FSTL4: variants seen among roughly 807,000 people sequenced by gnomAD.
FSTL4 encodes follistatin like 4.
In FSTL4, 28 loss-of-function variants were observed where a neutral mutation model predicts 78.2. The observed-to-expected ratio is 0.36, with a 90% CI of 0.27 to 0.49. The LOEUF (loss-of-function observed/expected upper bound fraction) is 0.49. Ranked by LOEUF, FSTL4 falls within the 20% of genes least tolerant of loss-of-function variation. FSTL4 has a pLI of 0.98. For synonymous variants in FSTL4, 422 were observed against 440.5 expected (o/e 0.96, Z 0.53); for missense variants, 922 against 1,084.9 (o/e 0.85, Z 2.11).
intron 14 of FSTL4, among the ~76,000 whole-genome samples, chr5:133,207,082 G>GTGA (rs1190316551): frequency 2.0e-5 from 3 of 152,078 alleles, no homozygotes; most frequent in African/African-American, 7.2e-5. Context: ...AGTTTCTTTA[G>GTGA]TGATATACTT....
intron 5 of FSTL4, among the ~76,000 whole-genome samples, chr5:133,314,950 G>A (rs1016828482): frequency 5.3e-5 from 8 of 152,136 alleles, no homozygotes; most frequent in African/African-American, 1.9e-4. Context: ...ATCACCTGAG[G>A]TCAGGAGTTT....
At chr5:133,222,968 C>T (rs1031072280) in intron 11 of FSTL4, among the ~76,000 whole-genome samples, 1 of 152,188 alleles carries the variant, frequency 6.6e-6, no homozygotes, top group African/African-American at 2.4e-5. Context: ...GTTCAATATA[C>T]CTACCAACCC....
At chr5:133,573,197 T>C (rs1760199106) in intron 2 of FSTL4, among the ~76,000 whole-genome samples, 1 of 151,732 alleles carries the variant, frequency 6.6e-6, no homozygotes. Context: ...TAAGCCCAGA[T>C]TGCGCCACTG....
chr5:133,743,398 C>A, the FSTL4 span, among the ~76,000 whole-genome samples: 1 of 152,162 alleles, frequency 6.6e-6, no homozygotes, highest in Admixed American at 6.5e-5. Context: ...GGTACGGTAC[C>A]TTTAAATGCA....
intron 3 of FSTL4, among the ~76,000 whole-genome samples, chr5:133,561,005 C>A (rs990198699): frequency 6.6e-6 from 1 of 151,224 alleles, no homozygotes; most frequent in East Asian, 2.0e-4. Flanking sequence ...AGGAGAATGG[C>A]GTGAACCCGT....
chr5:133,213,129 A>G (rs1427429027), intron 13 of FSTL4, among the ~76,000 whole-genome samples: 1 of 151,614 alleles, frequency 6.6e-6, no homozygotes, highest in Non-Finnish European at 1.5e-5. Flanking sequence ...CAGCCTCCCA[A>G]GTAGCTGGGA....
At chr5:133,682,264 G>C in the FSTL4 span, among the ~76,000 whole-genome samples, 1 of 152,212 alleles carries the variant, frequency 6.6e-6, no homozygotes, top group Non-Finnish European at 1.5e-5. Flanking sequence ...AGAAGTGTGA[G>C]TTCAGCCTCC....
At chr5:133,743,017 T>G in the FSTL4 span, among the ~76,000 whole-genome samples, 205 of 152,288 alleles carry the variant, frequency 1.3e-3, 1 homozygote, top group African/African-American at 4.6e-3. Context: ...GAATATTTCT[T>G]TCATTTAGGG....
Position 133,440,697 on chromosome 5 carries a change from G to C in FSTL4, c.161-39711C>G, listed in dbSNP as rs1269570750. ...TGAGAGGCCTGGGAATGTCCAAGCAGGGGGAAGAGAAGACAGTGGAGACTG... is the reference window on the plus strand; with the variant it reads ...TGAGAGGCCTGGGAATGTCCAAGCACGGGGAAGAGAAGACAGTGGAGACTG... On this transcript the variant is annotated intron_variant, in intron 3 of 15. Coordinates refer to ENST00000265342, the MANE Select transcript of FSTL4 (RefSeq NM_015082.2). This position sits in a 1 kb window ranked among gnomAD's most constrained non-coding sequence, Gnocchi z 4.1. Among the ~76,000 whole-genome samples, 5 of 152,160 alleles carry C rather than the reference G, an allele frequency of 3.3e-5. No individual in the cohort carries two copies. The highest frequency in any genetic ancestry group is 6.5e-5 in the Admixed American group (1 of 15,280).
At chr5:133,488,598 G>A (rs564376833) in intron 3 of FSTL4, among the ~76,000 whole-genome samples, 1 of 152,224 alleles carries the variant, frequency 6.6e-6, no homozygotes, top group African/African-American at 2.4e-5. Context: ...TTGATGACGG[G>A]ACATGTCCTT....
chr5:133,493,312 T>C (rs145382857), intron 3 of FSTL4, among the ~76,000 whole-genome samples: 500 of 152,312 alleles, frequency 3.3e-3, no homozygotes, highest in Middle Eastern at 0.014. Flanking sequence ...GGTGTGGAGA[T>C]TGTCCTTTAT....
the FSTL4 span, among the ~76,000 whole-genome samples, chr5:133,713,277 G>A: frequency 6.6e-6 from 1 of 152,198 alleles, no homozygotes; most frequent in African/African-American, 2.4e-5. Flanking sequence ...AATAAATTAT[G>A]AGTTGGTATA....
At chr5:133,305,040 C>A (rs1363625410) in intron 6 of FSTL4, among the ~76,000 whole-genome samples, 1 of 152,196 alleles carries the variant, frequency 6.6e-6, no homozygotes, top group Non-Finnish European at 1.5e-5. Context: ...CCAAAAAGGA[C>A]AGAGTCCAGA....
chr5:133,581,098 T>C (rs982887376), intron 2 of FSTL4, among the ~76,000 whole-genome samples: 14 of 152,224 alleles, frequency 9.2e-5, no homozygotes, highest in African/African-American at 1.9e-4. Context: ...GGCACTTTCA[T>C]TGTACCACTA....
chr5:133,712,663 C>A, the FSTL4 span, among the ~76,000 whole-genome samples: 1 of 152,242 alleles, frequency 6.6e-6, no homozygotes, highest in East Asian at 1.9e-4. Flanking sequence ...AACCTCCCCA[C>A]TGGGTTACAA....
At chr5:133,337,186 C>G (rs914977147) in intron 4 of FSTL4, among the ~76,000 whole-genome samples, 2 of 152,228 alleles carry the variant, frequency 1.3e-5, no homozygotes, top group Admixed American at 1.3e-4. Context: ...GGTGGGCAAG[C>G]TTACTTCCAG....
At chr5:133,465,464 C>A (rs1172049254) in intron 3 of FSTL4, among the ~76,000 whole-genome samples, 1 of 152,236 alleles carries the variant, frequency 6.6e-6, no homozygotes, top group Non-Finnish European at 1.5e-5. Context: ...AGGTCCCATG[C>A]CACATATTCC....
At chr5:133,493,219 G>A (rs1049538875) in intron 3 of FSTL4, among the ~76,000 whole-genome samples, 25 of 152,106 alleles carry the variant, frequency 1.6e-4, no homozygotes, top group African/African-American at 5.3e-4. Context: ...AACTCTTCCC[G>A]ATGGCAAATT....
chr5:133,276,771 C>T (rs1333649578), intron 6 of FSTL4, among the ~76,000 whole-genome samples: 2 of 152,212 alleles, frequency 1.3e-5, no homozygotes, highest in Admixed American at 6.5e-5. Flanking sequence ...CAAGAACATT[C>T]ATAGGACCAT....
Sources: gnomAD v4.1 joint callset for allele counts (sites outside exome capture counted in the v4.1 genomes callset) on GRCh38, gnomAD v4.1.1 for gene constraint, Gnocchi (gnomAD v3.1) non-coding constraint, MANE v1.5 for transcripts, NCBI Gene and HGNC (gene_info 2026-07-23, HGNC 2026-07-21) for gene names.